The following SEPHS1 variants were observed in gnomAD, a reference collection of about 807,000 sequenced individuals.
SEPHS1 encodes the protein zincore component SEPHS1.
Under a neutral mutation model 39.2 loss-of-function variants are expected in SEPHS1, and 7 were observed. That is an observed-to-expected ratio of 0.18 (90% CI 0.10 to 0.34). SEPHS1 has a LOEUF of 0.34. SEPHS1 is among the 10% of genes least tolerant of loss of function. The pLI is 1.00. For missense variants in SEPHS1, 253 were observed against 514.5 expected, an observed-to-expected ratio of 0.49 and a Z score of 4.92; for synonymous variants, 190 against 195.5, an observed-to-expected ratio of 0.97 and a Z score of 0.23.
intron 2 of SEPHS1, among the ~76,000 whole-genome samples, chr10:13,341,474 A>G (rs1170265654): frequency 2.7e-5 from 4 of 150,164 alleles, no homozygotes; most frequent in Non-Finnish European, 5.9e-5. Flanking sequence ...AGCAGCAGCA[A>G]TCATTACTTG....
rs372138605 is a variant in SEPHS1, at chr10:13,336,315, G to T, written c.333C>A (p.Leu111=). ...CACATTCCGTGACCCCCATTGCATA[G>T]AGGTCACTGAGGACATTGGCACACG... ...RIACANVLSD[L]YAMGVTECDN... Residue 111 remains leucine, a synonymous_variant, in exon 4 of 9, where the codon CTC becomes CTA. Coordinates refer to ENST00000327347, the MANE Select transcript of SEPHS1 (RefSeq NM_012247.5). 2 of 1,614,018 alleles carry T rather than the reference G, an allele frequency of 1.2e-6. No individual in the cohort carries two copies. Among genetic ancestry groups the T allele is most frequent in the South Asian group, 2.2e-5 (2 of 91,082 alleles).
chr10:13,322,134 T>C (rs1018165776), intron 8 of SEPHS1: 6 of 385,764 alleles, frequency 1.6e-5, no homozygotes, highest in Non-Finnish European at 2.9e-5. Context: ...TTCTGTATCA[T>C]TCTCTTTTCT....
chr10:13,327,240 CAAAAAAAAAAAAAAAA>C lies in SEPHS1; in HGVS notation c.751+1095_751+1110del, dbSNP rs34788028. On this transcript the variant is annotated intron_variant, in intron 7 of 8. Coordinates refer to ENST00000327347, the MANE Select transcript of SEPHS1 (RefSeq NM_012247.5). ...TGGGCGACAGAGTTAGATTCTGTCT[CAAAAAAAAAAAAAAAA>C]AAAAAAAAAAAGTTTACTAGGATAC... Among the ~76,000 whole-genome samples the C allele has an allele frequency of 4.6e-3, 382 of 82,800 alleles. 7 individuals carry two copies. Among genetic ancestry groups the C allele is most frequent in the African/African-American group, 0.019 (364 of 18,754 alleles). The allele number at this position is 82,800 out of a possible 152,430, so 54.3% of individuals were successfully genotyped here. A position where few individuals can be genotyped will look rare whatever the true frequency, so the allele number is the denominator to read the frequency against.
At chr10:13,323,299 G>T (rs1470077991) in intron 7 of SEPHS1, among the ~76,000 whole-genome samples, 1 of 152,108 alleles carries the variant, frequency 6.6e-6, no homozygotes. Context: ...TATGCAGAGG[G>T]ATTATGATCT....
chr10:13,345,095 G>A (rs1469168642), intron 1 of SEPHS1, 67 bp from the exon 2 acceptor site: 2 of 663,558 alleles, frequency 3.0e-6, no homozygotes, highest in Admixed American at 3.5e-5. Flanking sequence ...AGCGAATCAA[G>A]TGAATACATG....
chr10:13,343,398 T>C (rs765011564), intron 2 of SEPHS1, among the ~76,000 whole-genome samples: 1 of 152,146 alleles, frequency 6.6e-6, no homozygotes, highest in Non-Finnish European at 1.5e-5. Flanking sequence ...GACTGGGGTG[T>C]AACATTTCTT....
At chr10:13,347,496 CG>C (rs910396079) in intron 1 of SEPHS1, 3 of 147,092 alleles carry the variant, frequency 2.0e-5, no homozygotes, top group Non-Finnish European at 3.0e-5. Flanking sequence ...TTCGGGCCGG[CG>C]GGAGGCGGCG....
intron 3 of SEPHS1, among the ~76,000 whole-genome samples, 175 bp downstream of exon 3, chr10:13,338,530 G>C (rs1250592399): frequency 2.0e-5 from 3 of 152,208 alleles, no homozygotes; most frequent in East Asian, 3.8e-4. Flanking sequence ...CCAAGTGTGG[G>C]CAGGGGACAG....
chr10:13,329,157 A>G (rs1833393487), intron 6 of SEPHS1, among the ~76,000 whole-genome samples: 2 of 152,198 alleles, frequency 1.3e-5, no homozygotes, highest in Non-Finnish European at 2.9e-5. Flanking sequence ...GTATGATTAT[A>G]GCTCACTGGA....
intron 6 of SEPHS1, 40 bp from the exon 7 acceptor site, chr10:13,328,490 A>G (rs896176588): frequency 1.5e-6 from 2 of 1,363,750 alleles, no homozygotes; most frequent in Admixed American, 1.8e-5. Flanking sequence ...AAAGAGAGGA[A>G]AATGTGATTA....
Position 13,318,406 on chromosome 10 carries a change from T to G in SEPHS1, c.*736A>C, listed in dbSNP as rs1833004853. On this transcript the variant is annotated 3_prime_UTR_variant, in exon 9 of 9. Transcript: ENST00000327347. ...AACCTCCATTCGGAAGGCAATTCCT[T>G]GTAGCACTATAGAACATCTAATAAC... 6.6e-6 allele frequency: 1 copy of G among 152,670 alleles called. No homozygotes were observed. Among genetic ancestry groups the G allele is most frequent in the Non-Finnish European group, 1.5e-5 (1 of 68,046 alleles). The allele number at this position is 152,670 out of a possible 1,614,324, so 9.5% of individuals were successfully genotyped here.
intron 8 of SEPHS1, chr10:13,322,181 AC>A: frequency 2.7e-6 from 1 of 366,142 alleles, no homozygotes; most frequent in Non-Finnish European, 5.2e-6. Flanking sequence ...TCGCTCTGTC[AC>A]CCAGGCTGGA....
chr10:13,347,317 C>A (rs1448747905), intron 1 of SEPHS1: 1 of 152,004 alleles, frequency 6.6e-6, no homozygotes, highest in African/African-American at 2.4e-5. Context: ...CTCTCCAGGA[C>A]GCCCGCGTCG....
In SEPHS1 at chr10:13,322,992, G is replaced by A. The variant is rs370831022; in HGVS notation, c.807C>T (p.Phe269=). Residue 269 remains phenylalanine, a synonymous_variant, in exon 8 of 9, where the codon TTC becomes TTT. Transcript: ENST00000327347. ...GGTTCTGCGCATGGCCCAAAATCCCGAAGCCCGTGATGTCAGTGGCGGCGT... is the reference window on the plus strand; with the variant it reads ...GGTTCTGCGCATGGCCCAAAATCCCAAAGCCCGTGATGTCAGTGGCGGCGT... The part of the protein sequence containing the change: ...NAHAATDITG[F]GILGHAQNLA... The A allele has an allele frequency of 3.9e-5, 63 of 1,613,940 alleles. No homozygotes were observed. The highest frequency in any genetic ancestry group is 4.6e-5 in the Non-Finnish European group (54 of 1,180,004).
Position 13,347,563 on chromosome 10 carries a change from AC to A in SEPHS1, c.-79+436del, listed in dbSNP as rs1057293540. Among the ~76,000 whole-genome samples, 37 of 144,916 alleles carry A rather than the reference AC, an allele frequency of 2.6e-4. 1 individual carries two copies. The Middle Eastern group carries it at 0.011, about 43-fold the overall frequency. The stretch of plus-strand genomic sequence containing the variant: ...GGAGCCGGGGAGGACGCCGGGACGC[AC>A]CCGCCCCGGGTCGACAGGGCCCGCG... On this transcript the variant is annotated intron_variant, in intron 1 of 8. Transcript: ENST00000327347.
chr10:13,328,273 C>G, intron 7 of SEPHS1, 78 bp downstream of exon 7: 1 of 983,966 alleles, frequency 1.0e-6, no homozygotes, highest in Non-Finnish European at 1.6e-6. Flanking sequence ...TACCCTGAGA[C>G]AGTATGTGGC....
chr10:13,321,992 GCTCT>G (rs1833131743), intron 8 of SEPHS1: 2 of 448,030 alleles, frequency 4.5e-6, no homozygotes, highest in Middle Eastern at 3.3e-4. Flanking sequence ...CTGTCTGATG[GCTCT>G]CTCTACCTAC....
At position 13,317,723 on chromosome 10, in the gene SEPHS1, T is replaced by A. The variant is rs1423329937; in HGVS notation, c.*1419A>T. The A allele has an allele frequency of 6.6e-6, 1 of 152,252 alleles. No individual in the cohort carries two copies. Among genetic ancestry groups the A allele is most frequent in the East Asian group, 1.9e-4 (1 of 5,198 alleles). The allele number at this position is 152,252 out of a possible 1,614,324, so 9.4% of individuals were successfully genotyped here. On this transcript the variant is annotated 3_prime_UTR_variant, in exon 9 of 9. Coordinates refer to ENST00000327347, the MANE Select transcript of SEPHS1 (RefSeq NM_012247.5). Reference sequence around the variant, plus strand: ...AGAAGTCAGTTTACATGTGCAGCTTTGGTGCCTGTGAGCAGAAAGCACCAG... The same window carrying A: ...AGAAGTCAGTTTACATGTGCAGCTTAGGTGCCTGTGAGCAGAAAGCACCAG...
chr10:13,328,928 T>C (rs1833385012), intron 6 of SEPHS1, among the ~76,000 whole-genome samples: 1 of 152,188 alleles, frequency 6.6e-6, no homozygotes, highest in African/African-American at 2.4e-5. Flanking sequence ...CTAAAGAACG[T>C]GGCAGCCTTA....
Sources: gnomAD v4.1 joint callset for allele counts (sites outside exome capture counted in the v4.1 genomes callset) on GRCh38, gnomAD v4.1.1 for gene constraint, MANE v1.5 for transcripts, NCBI Gene and HGNC (gene_info 2026-07-23, HGNC 2026-07-21) for gene names.